SETD1B: variants seen among roughly 807,000 people sequenced by gnomAD.
The protein encoded by SETD1B is SET domain containing 1B, histone lysine methyltransferase.
SETD1B carries 7 observed loss-of-function variants against 148.0 expected under a neutral mutation model. That is an observed-to-expected ratio of 0.05 (90% CI 0.03 to 0.09). SETD1B has a LOEUF of 0.09. Ranked by LOEUF, SETD1B falls within the 10% of genes least tolerant of loss-of-function variation. SETD1B has a pLI of 1.00. For synonymous variants in SETD1B, 1,361 were observed against 1,186.5 expected (o/e 1.15, Z -3.02); for missense variants, 2,155 against 2,729.9 (o/e 0.79, Z 4.69).
chr12:121,792,024 G>T, the SETD1B span, among the ~76,000 whole-genome samples: 1 of 152,230 alleles, frequency 6.6e-6, no homozygotes, highest in East Asian at 1.9e-4. Flanking sequence ...CTGTTTTGGG[G>T]TTGGCCCTAC....
In SETD1B at chr12:121,809,997, A is replaced by C. The variant is rs1265002813; in HGVS notation, c.1052A>C (p.Asp351Ala). The C allele has an allele frequency of 6.5e-7, 1 of 1,549,704 alleles. No homozygotes were observed. Among genetic ancestry groups the C allele is most frequent in the South Asian group, 1.2e-5 (1 of 84,006 alleles). Residue 351 changes from aspartate (D) to alanine (A), a missense_variant, in exon 6 of 17, where the codon GAC becomes GCC. Physicochemically the swap from Asp to Ala is moderately radical, Grantham distance 126. Around this residue, in one of 11 missense-constraint regions of SETD1B, gnomAD observed 376 missense variants for 385.0 expected, o/e 0.98. Coordinates refer to ENST00000604567, the MANE Select transcript of SETD1B (RefSeq NM_001353345.2). ...GATAAFRGSSDLPFGAVGGTG... is the reference protein window; with the variant it reads ...GATAAFRGSSALPFGAVGGTG... The stretch of plus-strand genomic sequence containing the variant: ...ACAGCCGCTTTCCGGGGTTCCTCGG[A>C]CCTCCCGTTCGGAGCAGTCGGCGGC...
At position 121,820,387 on chromosome 12, in the gene SETD1B, C is replaced by G. The variant is rs142980405; in HGVS notation, c.3910+492C>G. Among the ~76,000 whole-genome samples the G allele has an allele frequency of 5.4e-3, 826 of 152,358 alleles. 31 individuals are homozygous for G. The highest frequency in any genetic ancestry group is 0.047 in the Admixed American group (718 of 15,302). On this transcript the variant is annotated intron_variant, in intron 11 of 16. Coordinates refer to ENST00000604567, the MANE Select transcript of SETD1B (RefSeq NM_001353345.2). ...GGCAGCGTTCTCAGGCTGTGCTGTCCAGCACTGTAGCCTTCAGACACAATG... is the reference window on the plus strand; with the variant it reads ...GGCAGCGTTCTCAGGCTGTGCTGTCGAGCACTGTAGCCTTCAGACACAATG...
In SETD1B at chr12:121,805,134, C is replaced by A; in HGVS notation, c.191C>A (p.Pro64Gln). 1 of 1,551,698 alleles carries A rather than the reference C, an allele frequency of 6.4e-7. No homozygotes were observed. The highest frequency in any genetic ancestry group is 8.7e-7 in the Non-Finnish European group (1 of 1,146,988). Residue 64 changes from proline (P) to glutamine (Q), a missense_variant, in exon 3 of 17, where the codon CCG (proline) becomes CAG (glutamine). Coordinates refer to ENST00000604567, the MANE Select transcript of SETD1B (RefSeq NM_001353345.2). The surrounding 1 kb of genome is among the most constrained non-coding windows in gnomAD (Gnocchi z 4.2). Reference protein sequence around the residue: ...HFSLAMSSNRPVEIVEDPRVV... With the variant: ...HFSLAMSSNRQVEIVEDPRVV... Reference sequence around the variant, plus strand: ...TCCCCACAGATGTCCAGCAACCGCCCGGTGGAAATTGTCGAAGATCCCCGG... The same window carrying A: ...TCCCCACAGATGTCCAGCAACCGCCAGGTGGAAATTGTCGAAGATCCCCGG...
chr12:121,823,393 C>A lies in SETD1B; in HGVS notation c.4814C>A (p.Pro1605His). The A allele has an allele frequency of 6.5e-7, 1 of 1,543,452 alleles. No individual in the cohort carries two copies. Among genetic ancestry groups the A allele is most frequent in the Non-Finnish European group, 8.7e-7 (1 of 1,145,750 alleles). ...CCACCTGTAGAGCCCACCAAGCTGC[C>A]CTTTAAGGAGCTAGACAACCAGTGG... ...PPPPVEPTKL[P>H]FKELDNQWPS... Residue 1605 changes from proline to histidine, a missense_variant, in exon 12 of 17, where the codon CCC (proline) becomes CAC (histidine). Physicochemically the swap from Pro to His is moderately conservative, Grantham distance 77 (BLOSUM62 -2). Coordinates refer to ENST00000604567, the MANE Select transcript of SETD1B (RefSeq NM_001353345.2).
intron 12 of SETD1B, 149 bp from the exon 13 acceptor site, chr12:121,825,051 C>A: frequency 1.4e-6 from 1 of 708,796 alleles, no homozygotes; most frequent in Non-Finnish European, 2.3e-6. Flanking sequence ...GGTTGGTCAG[C>A]GGGCAGCCAC....
intron 16 of SETD1B, among the ~76,000 whole-genome samples, chr12:121,828,598 G>A (rs1876952363): frequency 6.6e-6 from 1 of 152,198 alleles, no homozygotes. Context: ...TGTATTGGGT[G>A]GTGCAGGCCT....
Position 121,830,505 on chromosome 12 carries a change from A to C in SETD1B, c.*266A>C. 1 of 376,256 alleles carries C rather than the reference A, an allele frequency of 2.7e-6. No homozygotes were observed. 23.3% of individuals were successfully genotyped at this position (376,256 alleles called of 1,614,324 possible). On this transcript the variant is annotated 3_prime_UTR_variant, in exon 17 of 17. Coordinates refer to ENST00000604567, the MANE Select transcript of SETD1B (RefSeq NM_001353345.2). This position sits in a 1 kb window ranked among gnomAD's most constrained non-coding sequence, Gnocchi z 5.7. The stretch of plus-strand genomic sequence containing the variant: ...TTCAGGATTTCTGTTTAACTCCAGC[A>C]TCAGCTTCTCTCTCTCCGTCTCTCC...
chr12:121,792,107 G>A, the SETD1B span, among the ~76,000 whole-genome samples: 1 of 132,680 alleles, frequency 7.5e-6, no homozygotes, highest in African/African-American at 3.3e-5. Context: ...ATGGAGGGGG[G>A]CTCTGAGCTA....
intron 16 of SETD1B, 146 bp from the exon 17 acceptor site, chr12:121,829,920 G>T (rs2137593728): frequency 1.7e-6 from 1 of 574,554 alleles, no homozygotes. Flanking sequence ...GGGGTCGGGG[G>T]AGCCAAGGTC....
At chr12:121,799,179 C>A (rs965218532), upstream of SETD1B, 1 of 152,208 alleles carries the variant, frequency 6.6e-6, no homozygotes, top group Non-Finnish European at 1.5e-5. Flanking sequence ...GCCCTGTTTT[C>A]GGAGATGGAG....
At position 121,823,337 on chromosome 12, in the gene SETD1B, T is replaced by C. The variant is rs1323171550; in HGVS notation, c.4758T>C (p.Leu1586=). Reference sequence around the variant, plus strand: ...GGATCCCAGCCCCTCCACCACCCCTTCCCCCCCAGCCACCCCCACCCCCAC... The same window carrying C: ...GGATCCCAGCCCCTCCACCACCCCTCCCCCCCCAGCCACCCCCACCCCCAC... ...NAGIPAPPPP[L]PPQPPPPPPP... Residue 1586 remains leucine (L), a synonymous_variant, in exon 12 of 17, where the codon CTT becomes CTC. Coordinates refer to ENST00000604567, the MANE Select transcript of SETD1B (RefSeq NM_001353345.2). 1.2e-4 allele frequency: 98 copies of C among 809,354 alleles called. No individual in the cohort carries two copies. The highest frequency in any genetic ancestry group is 5.0e-4 in the African/African-American group (22 of 43,682). 50.1% of individuals were successfully genotyped at this position (809,354 alleles called of 1,614,324 possible). A position where few individuals can be genotyped will look rare whatever the true frequency, so the allele number is the denominator to read the frequency against.
upstream of SETD1B, chr12:121,799,731 T>TGGGGGGGGGGGGGGGGG (rs1308261766): frequency 3.2e-5 from 1 of 31,726 alleles, no homozygotes. Context: ...GGGGGGGGGG[T>TGGGGGGGGGGGGGGGGG]GGGGTGGGGC....
chr12:121,823,177 A>G lies in SETD1B; in HGVS notation c.4598A>G (p.Asp1533Gly), dbSNP rs1271552830. The G allele has an allele frequency of 1.3e-6, 2 of 1,532,014 alleles. No homozygotes were observed. The highest frequency in any genetic ancestry group is 2.5e-5 in the East Asian group (1 of 39,908). The allele number at this position is 1,532,014 out of a possible 1,614,324, so 94.9% of individuals were successfully genotyped here. A position where few individuals can be genotyped will look rare whatever the true frequency, so the allele number is the denominator to read the frequency against. ...TCCCCACCATCTATGCTCTCCTTGG[A>G]TGGGCCCTTGGTCCGACCACCAGCA... ...RRSPPSMLSL[D>G]GPLVRPPAGA... Residue 1533 changes from aspartate to glycine, a missense_variant, in exon 12 of 17, where the codon GAT (aspartate) becomes GGT (glycine). Physicochemically the swap from Asp to Gly is moderately conservative, Grantham distance 94 (BLOSUM62 -1). Transcript: ENST00000604567.
chr12:121,819,721 CGGCCCT>C lies in SETD1B; in HGVS notation c.3737_3742del (p.Arg1246_Ser1248delinsPro). 1 of 1,551,000 alleles carries C rather than the reference CGGCCCT, an allele frequency of 6.4e-7. No homozygotes were observed. The highest frequency in any genetic ancestry group is 8.7e-7 in the Non-Finnish European group (1 of 1,146,948). The stretch of plus-strand genomic sequence containing the variant: ...GACTGAGGCTGTGGCCCCTGAGGAG[CGGCCCT>C]CCATGCTGGACGAGCCCCCCTTGCC... On this transcript the variant is annotated inframe_deletion, in exon 11 of 17. Transcript: ENST00000604567.
chr12:121,823,847 T>G, intron 12 of SETD1B, 98 bp downstream of exon 12: 2 of 1,431,408 alleles, frequency 1.4e-6, no homozygotes, highest in Non-Finnish European at 1.8e-6. Context: ...CAGCCCGCGG[T>G]GCCCATGAAG....
the SETD1B span, among the ~76,000 whole-genome samples, chr12:121,790,682 C>T: frequency 1.3e-4 from 20 of 152,154 alleles, no homozygotes; most frequent in Non-Finnish European, 2.2e-4. Context: ...TCCTTGGGGT[C>T]TGTCAGACTG....
chr12:121,824,560 T>C (rs1233185534), intron 12 of SETD1B, among the ~76,000 whole-genome samples: 1 of 152,086 alleles, frequency 6.6e-6, no homozygotes, highest in Non-Finnish European at 1.5e-5. Flanking sequence ...GGCAGGAGAA[T>C]TGCTTGAACC....
At position 121,814,333 on chromosome 12, in the gene SETD1B, C is replaced by T; in HGVS notation, c.2118C>T (p.Pro706=). Residue 706 remains proline, a synonymous_variant, in exon 7 of 17, where the codon CCC becomes CCT. Transcript: ENST00000604567. The stretch of plus-strand genomic sequence containing the variant: ...CACCGCAGCCTGGCTTCCCCATGCC[C>T]CCACCGCTGCCCCCACCGCCGCCCC... ...PPPPQPGFPM[P]PPLPPPPPPP... is the part of the protein sequence containing the mutation. 3.9e-6 allele frequency: 3 copies of T among 760,128 alleles called. No homozygotes were observed. Among genetic ancestry groups the T allele is most frequent in the Non-Finnish European group, 5.7e-6 (3 of 526,428 alleles). The allele number at this position is 760,128 out of a possible 1,614,324, so 47.1% of individuals were successfully genotyped here.
upstream of SETD1B, chr12:121,803,938 A>AGGGGAGGAG (rs1875549855): frequency 6.4e-6 from 1 of 156,820 alleles, no homozygotes; most frequent in African/African-American, 2.4e-5. This position sits in a 1 kb window ranked among gnomAD's most constrained non-coding sequence, Gnocchi z 4.7. Flanking sequence ...GAGGAAGGAG[A>AGGGGAGGAG]GGGGAGGAGG....
Sources: allele counts gnomAD v4.1 joint callset (sites outside exome capture counted in the v4.1 genomes callset), GRCh38; gene constraint gnomAD v4.1.1; regional missense constraint gnomAD v4.1.1; non-coding constraint Gnocchi (gnomAD v3.1); transcripts MANE v1.5; gene names NCBI Gene and HGNC (gene_info 2026-07-23, HGNC 2026-07-21).